The following SRGAP2 variants were observed in gnomAD, a reference collection of about 807,000 sequenced individuals.
SRGAP2 encodes SLIT-ROBO Rho GTPase activating protein 2.
In SRGAP2, 15 loss-of-function variants were observed where a neutral mutation model predicts 57.2. The observed-to-expected ratio is 0.26, with a 90% CI of 0.18 to 0.40. The LOEUF (loss-of-function observed/expected upper bound fraction) is 0.40. SRGAP2 is among the 10% of genes least tolerant of loss of function. The pLI is 1.00. For synonymous variants in SRGAP2, 249 were observed against 248.0 expected, an observed-to-expected ratio of 1.00 and a Z score of -0.04; for missense variants, 520 against 669.6, an observed-to-expected ratio of 0.78 and a Z score of 2.47.
chr1:206,377,481 AT>A (rs782108315), intron 4 of SRGAP2, among the ~76,000 whole-genome samples: 1,803 of 98,970 alleles, frequency 0.018, 13 homozygotes, highest in African/African-American at 0.041. Flanking sequence ...TTGAAATCAG[AT>A]TTTTTTTTTT....
intron 10 of SRGAP2, among the ~76,000 whole-genome samples, chr1:206,409,792 A>G (rs1286143893): frequency 6.7e-6 from 1 of 149,488 alleles, no homozygotes; most frequent in Non-Finnish European, 1.5e-5. Flanking sequence ...AAAAAAAAAA[A>G]GAAAGATTAA....
At chr1:206,450,834 T>C (rs782223323) in intron 19 of SRGAP2, among the ~76,000 whole-genome samples, 1 of 151,728 alleles carries the variant, frequency 6.6e-6, no homozygotes, top group Non-Finnish European at 1.5e-5. Context: ...CAGTAAGCAA[T>C]TGGGTGTGGT....
intron 2 of SRGAP2, among the ~76,000 whole-genome samples, chr1:206,243,641 T>C (rs1668374008): frequency 6.6e-6 from 1 of 152,210 alleles, no homozygotes; most frequent in Non-Finnish European, 1.5e-5. Context: ...GGGGTGACTC[T>C]CTTTTCTAAG....
chr1:206,372,960 CTTTCCTTTCTTT>C (rs1558358739), intron 4 of SRGAP2, among the ~76,000 whole-genome samples: 1,739 of 17,924 alleles, frequency 0.097, 267 homozygotes, highest in South Asian at 0.11. Context: ...TCTTTCTTTT[CTTTCCTTTCTTT>C]CTTTCTTTCT....
At chr1:206,304,946 T>G (rs1486428802) in intron 3 of SRGAP2, among the ~76,000 whole-genome samples, 4 of 150,056 alleles carry the variant, frequency 2.7e-5, no homozygotes, top group Admixed American at 1.3e-4. Flanking sequence ...TATTTTAATT[T>G]TTGTAGAGAC....
chr1:206,234,558 C>T (rs1553307794), intron 2 of SRGAP2, among the ~76,000 whole-genome samples: 1 of 152,234 alleles, frequency 6.6e-6, no homozygotes. Flanking sequence ...GCTTAGAAAA[C>T]AGTGGGCTTC....
rs575131926 is a variant in SRGAP2 at position 206,437,194 on chromosome 1, G to A, written c.1633+152G>A. On this transcript the variant is annotated intron_variant, in intron 15 of 22. Transcript: ENST00000573034. ...CCTGCTGTCTTGTACACATTCCCCT[G>A]TAGATATGCAGAGAAATACCAGGGC... is the stretch of plus-strand genomic sequence containing the variant. Among the ~76,000 whole-genome samples, 26 of 152,268 alleles carry A rather than the reference G, an allele frequency of 1.7e-4. 1 individual carries two copies. In the South Asian group the frequency reaches 5.4e-3, roughly 32 times the overall value.
At chr1:206,448,085 C>G (rs1161799605) in intron 18 of SRGAP2, among the ~76,000 whole-genome samples, 1 of 152,192 alleles carries the variant, frequency 6.6e-6, no homozygotes, top group African/African-American at 2.4e-5. Flanking sequence ...TCACACCCAC[C>G]TGGAAGGCTC....
intron 21 of SRGAP2, among the ~76,000 whole-genome samples, chr1:206,457,866 A>G (rs1009754992): frequency 6.6e-6 from 1 of 152,174 alleles, no homozygotes; most frequent in Non-Finnish European, 1.5e-5. Context: ...CTTAGATTAG[A>G]CCTTTTCAGA....
At position 206,458,781 on chromosome 1, in the gene SRGAP2, G is replaced by A. The variant is rs377016252; in HGVS notation, c.2666G>A (p.Gly889Glu). The A allele has an allele frequency of 1.8e-5, 14 of 780,692 alleles. No homozygotes were observed. The highest frequency in any genetic ancestry group is 3.1e-5 in the Non-Finnish European group (13 of 417,984). The allele number at this position is 780,692 out of a possible 1,614,324, so 48.4% of individuals were successfully genotyped here. Reference protein sequence around the residue: ...PIMSQSLPKEGPDKCSISGHG... With the variant: ...PIMSQSLPKEEPDKCSISGHG... Reference sequence around the variant, plus strand: ...ATGAGCCAGAGCCTCCCCAAAGAAGGGCCAGATAAGTGTTCCATCAGTGGG... The same window carrying A: ...ATGAGCCAGAGCCTCCCCAAAGAAGAGCCAGATAAGTGTTCCATCAGTGGG... Residue 889 changes from glycine to glutamate, a missense_variant, in exon 22 of 23, where the codon GGG becomes GAG. Physicochemically the swap from Gly to Glu is moderately conservative, Grantham distance 98. Transcript: ENST00000573034.
chr1:206,439,844 C>T, intron 16 of SRGAP2, 132 bp from the exon 17 acceptor site: 3 of 635,524 alleles, frequency 4.7e-6, no homozygotes, highest in Non-Finnish European at 8.6e-6. Context: ...ACTCCTGTCA[C>T]TGCACCAGTG....
chr1:206,209,321 CCT>C (rs1404513931), intron 2 of SRGAP2, among the ~76,000 whole-genome samples: 7 of 146,922 alleles, frequency 4.8e-5, no homozygotes, highest in Admixed American at 1.3e-4. Flanking sequence ...AGTCCCAGGT[CCT>C]GTTTTTTCAA....
chr1:206,370,814 G>C (rs1553342453), intron 4 of SRGAP2, among the ~76,000 whole-genome samples: 1 of 152,168 alleles, frequency 6.6e-6, no homozygotes, highest in African/African-American at 2.4e-5. Flanking sequence ...AACTAAAAGA[G>C]CTCAATGTGT....
At chr1:206,457,239 C>A (rs1376322383) in intron 21 of SRGAP2, among the ~76,000 whole-genome samples, 1 of 152,100 alleles carries the variant, frequency 6.6e-6, no homozygotes, top group Admixed American at 6.5e-5. Context: ...TAGGGTGTGG[C>A]ACTTCCATTT....
At chr1:206,363,580 C>T (rs1217554954) in intron 4 of SRGAP2, among the ~76,000 whole-genome samples, 4 of 151,820 alleles carry the variant, frequency 2.6e-5, no homozygotes, top group Non-Finnish European at 4.4e-5. Flanking sequence ...TTTAGGATCA[C>T]ACATGATGTC....
chr1:206,437,537 T>C, intron 15 of SRGAP2: 1 of 184,602 alleles, frequency 5.4e-6, no homozygotes, highest in South Asian at 1.4e-4. Context: ...AGCTCTGGCA[T>C]GATTGTTCTG....
chr1:206,290,494 T>G (rs1345227989), intron 2 of SRGAP2, among the ~76,000 whole-genome samples: 1 of 151,492 alleles, frequency 6.6e-6, no homozygotes, highest in Non-Finnish European at 1.5e-5. Flanking sequence ...ACAAAAAAAT[T>G]GGCCCGGCGT....
chr1:206,306,431 C>G (rs1209300397), intron 3 of SRGAP2, among the ~76,000 whole-genome samples: 45 of 152,310 alleles, frequency 3.0e-4, no homozygotes, highest in African/African-American at 1.1e-3. Context: ...AGGAGTGAAG[C>G]TGCAGATCTT....
chr1:206,453,307 G>A lies in SRGAP2; in HGVS notation c.2287G>A (p.Asp763Asn), dbSNP rs781996641. ...CCTGCTGCTTTACCAGCGGGCTTCC[G>A]ACGACTGGTGGGAAGGCCGGCACAA... The part of the protein sequence containing the change: ...ASLLLYQRAS[D>N]DWWEGRHNGI... Residue 763 changes from aspartate (D) to asparagine (N), a missense_variant, in exon 20 of 23, where the codon GAC (aspartate) becomes AAC (asparagine). By Grantham distance (23) the Asp-to-Asn change is conservative. Transcript: ENST00000573034. 7.9e-6 allele frequency: 6 copies of A among 760,322 alleles called. No homozygotes were observed. The Admixed American group carries it at 1.0e-4, about 13-fold the overall frequency. 47.1% of individuals were successfully genotyped at this position (760,322 alleles called of 1,614,324 possible). A position where few individuals can be genotyped will look rare whatever the true frequency, so the allele number is the denominator to read the frequency against.
Sources: gnomAD v4.1 joint callset for allele counts (sites outside exome capture counted in the v4.1 genomes callset) on GRCh38, gnomAD v4.1.1 for gene constraint, MANE v1.5 for transcripts, NCBI Gene and HGNC (gene_info 2026-07-23, HGNC 2026-07-21) for gene names.